UQCC1: variants seen among roughly 807,000 people sequenced by gnomAD.
UQCC1 encodes ubiquinol-cytochrome c reductase complex assembly factor 1, also known as bFGF-repressed Zic-binding protein.
UQCC1 carries 38 observed loss-of-function variants against 48.0 expected under a neutral mutation model. The ratio of observed to expected loss-of-function variants is 0.79; its 90% CI spans 0.61 to 1.04. The LOEUF is 1.04. Ranked by LOEUF, UQCC1 falls within the 50% of genes least tolerant of loss-of-function variation. The pLI is 0.00. For synonymous variants in UQCC1, 111 were observed against 129.2 expected, an observed-to-expected ratio of 0.86 and a Z score of 0.95; for missense variants, 368 against 381.8, an observed-to-expected ratio of 0.96 and a Z score of 0.30.
At chr20:35,404,347 G>T (rs971328217) in intron 1 of UQCC1, among the ~76,000 whole-genome samples, 3 of 148,002 alleles carry the variant, frequency 2.0e-5, no homozygotes, top group African/African-American at 7.5e-5. Flanking sequence ...TCCAGCCTGG[G>T]TGACAGAGCG....
At chr20:35,384,966 C>CAAAAAAAAAAAAAA (rs57141083) in intron 2 of UQCC1, among the ~76,000 whole-genome samples, 9 of 69,750 alleles carry the variant, frequency 1.3e-4, no homozygotes, top group African/African-American at 5.0e-4. Flanking sequence ...GAATCGGTCT[C>CAAAAAAAAAAAAAA]AAAAAAAAAA....
chr20:35,357,015 C>T (rs1051207513), intron 6 of UQCC1, among the ~76,000 whole-genome samples: 2 of 152,204 alleles, frequency 1.3e-5, no homozygotes, highest in South Asian at 4.1e-4. Flanking sequence ...AGACAATAGT[C>T]TGGCAAAATA....
At chr20:35,327,014 C>T (rs1159853461) in intron 7 of UQCC1, among the ~76,000 whole-genome samples, 1 of 152,152 alleles carries the variant, frequency 6.6e-6, no homozygotes, top group Admixed American at 6.5e-5. Context: ...ATCACTGACC[C>T]GAGTCCTTTC....
At chr20:35,389,211 G>A (rs2061984026) in intron 2 of UQCC1, among the ~76,000 whole-genome samples, 1 of 152,160 alleles carries the variant, frequency 6.6e-6, no homozygotes, top group African/African-American at 2.4e-5. Flanking sequence ...AAAATGATGG[G>A]GGGCATGTAG....
intron 7 of UQCC1, among the ~76,000 whole-genome samples, chr20:35,334,510 T>C (rs1194446932): frequency 6.6e-6 from 1 of 152,228 alleles, no homozygotes; most frequent in Non-Finnish European, 1.5e-5. Flanking sequence ...CACCTACTTA[T>C]CTGAAAAGAT....
intron 1 of UQCC1, among the ~76,000 whole-genome samples, chr20:35,402,360 C>T (rs929294576): frequency 5.3e-5 from 8 of 152,030 alleles, no homozygotes; most frequent in African/African-American, 1.9e-4. Flanking sequence ...AGGCAGATCA[C>T]GAGGTCAGGA....
intron 7 of UQCC1, among the ~76,000 whole-genome samples, chr20:35,321,677 A>G (rs1483136140): frequency 2.6e-5 from 4 of 152,198 alleles, no homozygotes; most frequent in Non-Finnish European, 5.9e-5. Flanking sequence ...CAAAAAAGTG[A>G]GGTCCTGTCT....
intron 1 of UQCC1, 64 bp downstream of exon 1, chr20:35,411,876 C>T: frequency 6.2e-7 from 1 of 1,607,710 alleles, no homozygotes; most frequent in East Asian, 2.2e-5. Flanking sequence ...TCCTCCCGCC[C>T]TGCCTTGTCG....
At chr20:35,377,715 T>C (rs1039121130) in intron 4 of UQCC1, among the ~76,000 whole-genome samples, 4 of 152,230 alleles carry the variant, frequency 2.6e-5, no homozygotes, top group Non-Finnish European at 4.4e-5. Context: ...CAGATTCCTA[T>C]ATATAAAGTC....
At chr20:35,364,668 G>A (rs2061645619) in intron 6 of UQCC1, among the ~76,000 whole-genome samples, 1 of 152,142 alleles carries the variant, frequency 6.6e-6, no homozygotes, top group African/African-American at 2.4e-5. Flanking sequence ...ATTGAACTGG[G>A]GGTGGTACAC....
chr20:35,370,234 C>T (rs201092039), intron 5 of UQCC1, among the ~76,000 whole-genome samples: 37 of 125,088 alleles, frequency 3.0e-4, no homozygotes, highest in Non-Finnish European at 4.8e-4. Flanking sequence ...TCTCTTGTTT[C>T]TTTTTTTTTT....
intron 7 of UQCC1, among the ~76,000 whole-genome samples, chr20:35,316,087 T>C (rs1364813619): frequency 6.6e-6 from 1 of 152,154 alleles, no homozygotes; most frequent in African/African-American, 2.4e-5. Flanking sequence ...GGTCCACGTT[T>C]TATTCCTCTT....
chr20:35,393,256 A>C (rs779605872), intron 2 of UQCC1, among the ~76,000 whole-genome samples: 5 of 152,166 alleles, frequency 3.3e-5, no homozygotes. Flanking sequence ...GTGCTAAGAC[A>C]ATGGTAAGAA....
At chr20:35,354,664 G>C (rs1332265819) in intron 6 of UQCC1, among the ~76,000 whole-genome samples, 1 of 151,086 alleles carries the variant, frequency 6.6e-6, no homozygotes, top group Non-Finnish European at 1.5e-5. Flanking sequence ...CAAAGTGCTG[G>C]GATTACAGGC....
chr20:35,341,977 G>A (rs1262854060), intron 7 of UQCC1, among the ~76,000 whole-genome samples: 1 of 152,108 alleles, frequency 6.6e-6, no homozygotes, highest in Non-Finnish European at 1.5e-5. Context: ...GAGTGTGATC[G>A]TAGAGGACCT....
At chr20:35,368,480 G>C (rs1367449041) in intron 5 of UQCC1, among the ~76,000 whole-genome samples, 1 of 152,128 alleles carries the variant, frequency 6.6e-6, no homozygotes, top group Non-Finnish European at 1.5e-5. Context: ...AGATCTACTT[G>C]ATTCCAAACA....
At chr20:35,344,193 A>G (rs963875585) in intron 7 of UQCC1, 2 of 152,268 alleles carry the variant, frequency 1.3e-5, no homozygotes, top group African/African-American at 2.4e-5. Flanking sequence ...AAAAAACTGA[A>G]TAAGACGGTT....
chr20:35,303,830 A>T lies in UQCC1; in HGVS notation c.*105T>A. On this transcript the variant is annotated 3_prime_UTR_variant, in exon 10 of 10. Coordinates refer to ENST00000374385, the MANE Select transcript of UQCC1 (RefSeq NM_018244.5). ...GCCAGGTATTTGACAGATGCTGTTC[A>T]GAGGTCAGTTCAGGCCACTTTCTGC... 6.7e-7 allele frequency: 1 copy of T among 1,481,864 alleles called. No homozygotes were observed. The highest frequency in any genetic ancestry group is 9.3e-7 in the Non-Finnish European group (1 of 1,070,352). The allele number at this position is 1,481,864 out of a possible 1,614,324, so 91.8% of individuals were successfully genotyped here. A position where few individuals can be genotyped will look rare whatever the true frequency, so the allele number is the denominator to read the frequency against.
intron 2 of UQCC1, chr20:35,386,361 G>A (rs2061943052): frequency 2.2e-6 from 1 of 453,958 alleles, no homozygotes; most frequent in Non-Finnish European, 4.4e-6. Flanking sequence ...TGGAACACAT[G>A]GAATGAAAAT....
Sources: gnomAD v4.1 joint callset for allele counts (sites outside exome capture counted in the v4.1 genomes callset) on GRCh38, gnomAD v4.1.1 for gene constraint, MANE v1.5 for transcripts, NCBI Gene and HGNC (gene_info 2026-07-23, HGNC 2026-07-21) for gene names.